SPOUT1: variants seen among roughly 807,000 people sequenced by gnomAD.
The protein encoded by SPOUT1 is SPOUT domain containing methyltransferase 1, also known as 28S rRNA (uridine-N(3))-methyltransferase.
SPOUT1 carries 40 observed loss-of-function variants against 54.8 expected under a neutral mutation model. The observed-to-expected ratio is 0.73, with a 90% CI of 0.57 to 0.95. SPOUT1 has a LOEUF of 0.95. Among genes scored for constraint, SPOUT1 ranks in the 40% least tolerant of loss-of-function variants. SPOUT1 has a pLI of 0.00. For synonymous variants in SPOUT1, 193 were observed against 200.3 expected, an observed-to-expected ratio of 0.96 and a Z score of 0.31; for missense variants, 437 against 499.5, an observed-to-expected ratio of 0.87 and a Z score of 1.19.
At chr9:128,825,378 C>G (rs1375565989) in intron 7 of SPOUT1, among the ~76,000 whole-genome samples, 1 of 152,116 alleles carries the variant, frequency 6.6e-6, no homozygotes, top group East Asian at 1.9e-4. Flanking sequence ...CTCACCCAGG[C>G]TGGAGTGCAG....
intron 3 of SPOUT1, among the ~76,000 whole-genome samples, chr9:128,828,508 AAAG>A (rs1319648790): frequency 6.6e-6 from 1 of 151,810 alleles, no homozygotes; most frequent in Non-Finnish European, 1.5e-5. Context: ...AAAAAAAAAA[AAAG>A]AGAGATAAGG....
Position 128,829,743 on chromosome 9 carries a change from AC to A in SPOUT1, c.36+1del. 1.3e-6 allele frequency: 2 copies of A among 1,599,466 alleles called. No individual in the cohort carries two copies. Among genetic ancestry groups the A allele is most frequent in the Non-Finnish European group, 1.7e-6 (2 of 1,173,568 alleles). On this transcript the variant is annotated splice_donor_variant, in intron 1 of 11. Coordinates refer to ENST00000361256, the MANE Select transcript of SPOUT1 (RefSeq NM_016390.4). LOFTEE classifies it high-confidence loss of function. ...GCACGGGGTCCCGCCGCCCGCACTT[AC>A]CGGGCCGCACGGCCGCTTCCTGCCG...
intron 1 of SPOUT1, 144 bp downstream of exon 1, chr9:128,829,601 C>T: frequency 1.5e-6 from 1 of 650,708 alleles, no homozygotes; most frequent in Non-Finnish European, 2.6e-6. Context: ...GAGGCTCACG[C>T]GGCACCTTCG....
Position 128,821,128 on chromosome 9 carries a change from A to T in SPOUT1, c.*1637T>A. On this transcript the variant is annotated 3_prime_UTR_variant, in exon 12 of 12. Coordinates refer to ENST00000361256, the MANE Select transcript of SPOUT1 (RefSeq NM_016390.4). ...CCTGCTGTCACCTCTTGGCATGCCC[A>T]CCCAATCTTGTTCTGCCAATATGGA... The T allele has an allele frequency of 2.1e-6, 1 of 485,448 alleles. No homozygotes were observed. Among genetic ancestry groups the T allele is most frequent in the Non-Finnish European group, 3.8e-6 (1 of 266,588 alleles). The allele number at this position is 485,448 out of a possible 1,614,324, so 30.1% of individuals were successfully genotyped here. A position where few individuals can be genotyped will look rare whatever the true frequency, so the allele number is the denominator to read the frequency against.
At position 128,826,264 on chromosome 9, in the gene SPOUT1, C is replaced by T. The variant is rs761422660; in HGVS notation, c.509-112G>A. On this transcript the variant is annotated intron_variant, in intron 6 of 11. Transcript: ENST00000361256. This position sits in a 1 kb window ranked among gnomAD's most constrained non-coding sequence, Gnocchi z 5.5. Reference sequence around the variant, plus strand: ...CACAGACCTGCGTCTTGGCATCAGACACAGGTCTTGCTCTCCCAGGCCTGC... The same window carrying T: ...CACAGACCTGCGTCTTGGCATCAGATACAGGTCTTGCTCTCCCAGGCCTGC... 217 of 1,555,904 alleles carry T rather than the reference C, an allele frequency of 1.4e-4. 1 individual carries two copies. The highest frequency in any genetic ancestry group is 5.3e-4 in the Middle Eastern group (3 of 5,662).
Position 128,824,978 on chromosome 9 carries a change from T to C in SPOUT1, c.711A>G (p.Pro237=). 3 of 1,598,122 alleles carry C rather than the reference T, an allele frequency of 1.9e-6. No individual in the cohort carries two copies. Among genetic ancestry groups the C allele is most frequent in the Non-Finnish European group, 2.6e-6 (3 of 1,171,620 alleles). The change falls in exon 8 of 12, where the codon CCA becomes CCG. Residue 237 remains proline, a splice_region_variant and synonymous_variant. Coordinates refer to ENST00000361256, the MANE Select transcript of SPOUT1 (RefSeq NM_016390.4). ...VTVRLNQQQH[P]DCKTYHGKVV... ...GGGGTTGGGGAACCTTCCAGATACC[T>C]GGGTGCTGCTGCTGGTTCAGTCGCA...
At chr9:128,823,682 C>A in intron 11 of SPOUT1, 65 bp downstream of exon 11, 1 of 1,450,364 alleles carries the variant, frequency 6.9e-7, no homozygotes, top group South Asian at 1.3e-5. Flanking sequence ...GCAAGAGTAG[C>A]ACCCGCCCCT....
At chr9:128,827,240 CT>C in intron 3 of SPOUT1, 49 bp from the exon 4 acceptor site, 1 of 1,531,818 alleles carries the variant, frequency 6.5e-7, no homozygotes, top group Non-Finnish European at 8.9e-7. Context: ...CAAGGGCCCC[CT>C]ACCTTTCTCT....
chr9:128,825,295 T>A (rs1830218397), intron 7 of SPOUT1, among the ~76,000 whole-genome samples: 1 of 151,792 alleles, frequency 6.6e-6, no homozygotes, highest in Non-Finnish European at 1.5e-5. Context: ...TAGATGAAAC[T>A]CAGTTTTCTA....
intron 3 of SPOUT1, among the ~76,000 whole-genome samples, chr9:128,827,412 G>A (rs201223959): frequency 5.3e-5 from 8 of 152,218 alleles, no homozygotes; most frequent in African/African-American, 1.7e-4. Flanking sequence ...GCTGTGGAGC[G>A]GTTAGTAGCA....
Position 128,822,021 on chromosome 9 carries a change from C to T in SPOUT1, c.*744G>A, listed in dbSNP as rs1200473115. On this transcript the variant is annotated 3_prime_UTR_variant, in exon 12 of 12. Transcript: ENST00000361256. ...GCTCACCTCTGTGGGGAGAGATGGA[C>T]AGTCGTTAAGTCTCCCCTCAGACGA... The T allele has an allele frequency of 1.8e-5, 7 of 397,596 alleles. No individual in the cohort carries two copies. Among genetic ancestry groups the T allele is most frequent in the South Asian group, 1.3e-4 (5 of 39,974 alleles). The allele number at this position is 397,596 out of a possible 1,614,324, so 24.6% of individuals were successfully genotyped here. A position where few individuals can be genotyped will look rare whatever the true frequency, so the allele number is the denominator to read the frequency against.
At chr9:128,825,814 C>T (rs1830229591) in intron 7 of SPOUT1, among the ~76,000 whole-genome samples, 1 of 152,206 alleles carries the variant, frequency 6.6e-6, no homozygotes, top group Non-Finnish European at 1.5e-5. Flanking sequence ...AGCATGAGGA[C>T]TGTCTTCTGT....
At position 128,821,063 on chromosome 9, in the gene SPOUT1, C is replaced by T; in HGVS notation, c.*1702G>A. On this transcript the variant is annotated 3_prime_UTR_variant, in exon 12 of 12. Coordinates refer to ENST00000361256, the MANE Select transcript of SPOUT1 (RefSeq NM_016390.4). Reference sequence around the variant, plus strand: ...GTACCCCTGACCATCTCTCCTCTGCCCATGGGCAGCAGCAGGCCCTGAATC... The same window carrying T: ...GTACCCCTGACCATCTCTCCTCTGCTCATGGGCAGCAGCAGGCCCTGAATC... 3.5e-6 allele frequency: 2 copies of T among 576,554 alleles called. No homozygotes were observed. The highest frequency in any genetic ancestry group is 2.9e-5 in the East Asian group (1 of 34,614). The allele number at this position is 576,554 out of a possible 1,614,324, so 35.7% of individuals were successfully genotyped here.
chr9:128,823,905 T>G lies in SPOUT1; in HGVS notation c.915-11A>C. ...ACCACAAGAGCATGCCTGGCCCATG[T>G]AAGAGGGGGTCACCTGAGCGGCCAC... On this transcript the variant is annotated splice_polypyrimidine_tract_variant and intron_variant, in intron 10 of 11. Transcript: ENST00000361256. 1 of 1,612,168 alleles carries G rather than the reference T, an allele frequency of 6.2e-7. No individual in the cohort carries two copies. Among genetic ancestry groups the G allele is most frequent in the Non-Finnish European group, 8.5e-7 (1 of 1,179,406 alleles).
At chr9:128,823,304 G>A (rs777258422) in intron 11 of SPOUT1, among the ~76,000 whole-genome samples, 3 of 152,130 alleles carry the variant, frequency 2.0e-5, no homozygotes, top group Non-Finnish European at 4.4e-5. Context: ...TCCTATGCCT[G>A]ACCCCAAAAG....
In SPOUT1 at chr9:128,824,978, T is replaced by G; in HGVS notation, c.711A>C (p.Pro237=). The G allele has an allele frequency of 6.3e-7, 1 of 1,598,122 alleles. No homozygotes were observed. Among genetic ancestry groups the G allele is most frequent in the South Asian group, 1.1e-5 (1 of 89,362 alleles). ...GGGGTTGGGGAACCTTCCAGATACC[T>G]GGGTGCTGCTGCTGGTTCAGTCGCA... ...VTVRLNQQQH[P]DCKTYHGKVV... Residue 237 remains proline (P), a splice_region_variant and synonymous_variant, in exon 8 of 12, where the codon CCA becomes CCC. Coordinates refer to ENST00000361256, the MANE Select transcript of SPOUT1 (RefSeq NM_016390.4).
intron 3 of SPOUT1, 81 bp from the exon 4 acceptor site, chr9:128,827,272 C>A: frequency 7.4e-7 from 1 of 1,349,242 alleles, no homozygotes; most frequent in Non-Finnish European, 1.0e-6. Flanking sequence ...GTCCCTAGCG[C>A]CCATGGTTTG....
intron 7 of SPOUT1, 125 bp from the exon 8 acceptor site, chr9:128,825,174 C>T (rs1217800807): frequency 3.0e-6 from 2 of 671,008 alleles, no homozygotes; most frequent in Non-Finnish European, 5.3e-6. Context: ...GTCAACCTGC[C>T]ACCCTCCACC....
chr9:128,822,812 C>T lies in SPOUT1; in HGVS notation c.1084G>A (p.Ala362Thr). ...TGGATGAGGCCAGGCTGCAGGGCGG[C>T]CAGGGAGATGAGGATGGCTTCCTGG... ...RTEEAILISLAALQPGLIQAG... is the reference protein window; with the variant it reads ...RTEEAILISLTALQPGLIQAG... The change falls in exon 12 of 12, where the codon GCC becomes ACC. Residue 362 changes from alanine (A) to threonine (T), a missense_variant. Ala to Thr is a moderately conservative substitution (Grantham distance 58). Coordinates refer to ENST00000361256, the MANE Select transcript of SPOUT1 (RefSeq NM_016390.4). 1 of 1,591,496 alleles carries T rather than the reference C, an allele frequency of 6.3e-7. No individual in the cohort carries two copies. Among genetic ancestry groups the T allele is most frequent in the East Asian group, 2.3e-5 (1 of 43,878 alleles).
Sources: gnomAD v4.1 joint callset for allele counts (sites outside exome capture counted in the v4.1 genomes callset) on GRCh38, gnomAD v4.1.1 for gene constraint, Gnocchi (gnomAD v3.1) non-coding constraint, MANE v1.5 for transcripts, NCBI Gene and HGNC (gene_info 2026-07-23, HGNC 2026-07-21) for gene names.